ERBB4: variants seen among roughly 807,000 people sequenced by gnomAD.
ERBB4 encodes receptor tyrosine-protein kinase erbB-4.
In ERBB4, 42 loss-of-function variants were observed where a neutral mutation model predicts 158.0. The ratio of observed to expected loss-of-function variants is 0.27; its 90% CI spans 0.21 to 0.34. The LOEUF is 0.34. ERBB4 is among the 10% of genes least tolerant of loss of function. The pLI is 1.00. For missense variants in ERBB4, 1,333 were observed against 1,624.1 expected, an observed-to-expected ratio of 0.82 and a Z score of 3.08; for synonymous variants, 583 against 558.7, an observed-to-expected ratio of 1.04 and a Z score of -0.61.
chr2:211,644,844 C>T (rs2070727082), intron 16 of ERBB4, among the ~76,000 whole-genome samples: 1 of 151,924 alleles, frequency 6.6e-6, no homozygotes, highest in Admixed American at 6.6e-5. Context: ...AGACTTTCTT[C>T]TTTTCAGTCT....
intron 1 of ERBB4, among the ~76,000 whole-genome samples, chr2:212,167,457 G>A (rs2081382265): frequency 2.0e-5 from 3 of 152,140 alleles, no homozygotes; most frequent in African/African-American, 7.2e-5. Flanking sequence ...TGGTGAGGTT[G>A]TGGGGAAATA....
At chr2:212,190,821 C>T (rs1262370669) in intron 1 of ERBB4, among the ~76,000 whole-genome samples, 6 of 152,010 alleles carry the variant, frequency 3.9e-5, no homozygotes, top group Admixed American at 6.6e-5. Context: ...ATTTCAGATC[C>T]GAGTATTATT....
chr2:211,900,084 C>G (rs561269108), intron 3 of ERBB4, among the ~76,000 whole-genome samples: 2 of 152,236 alleles, frequency 1.3e-5, no homozygotes, highest in African/African-American at 4.8e-5. Context: ...CTGCTCTGCA[C>G]ACAGTAACCC....
chr2:211,413,305 T>TAAAAAAAAAAAAAAAAAAAA lies in ERBB4; in HGVS notation c.3135+7135_3135+7136insTTTTTTTTTTTTTTTTTTTT, dbSNP rs768289370. ...TTGGGGACAGAGAGAGACCCTGTCT[T>TAAAAAAAAAAAAAAAAAAAA]AAAAACACACACACACACACACACA... On this transcript the variant is annotated intron_variant, in intron 25 of 27. Coordinates refer to ENST00000342788, the MANE Select transcript of ERBB4 (RefSeq NM_005235.3). Among the ~76,000 whole-genome samples the TAAAAAAAAAAAAAAAAAAAA allele has an allele frequency of 7.0e-5, 4 of 56,936 alleles. 1 individual carries two copies. Among genetic ancestry groups the TAAAAAAAAAAAAAAAAAAAA allele is most frequent in the Admixed American group, 1.8e-4 (1 of 5,702 alleles). 37.4% of individuals were successfully genotyped at this position (56,936 alleles called of 152,430 possible). A position where few individuals can be genotyped will look rare whatever the true frequency, so the allele number is the denominator to read the frequency against.
chr2:212,443,576 C>A (rs2092295714), intron 1 of ERBB4, among the ~76,000 whole-genome samples: 1 of 152,276 alleles, frequency 6.6e-6, no homozygotes, highest in Admixed American at 6.5e-5. Context: ...GTTACTCCGG[C>A]CAATTTATTG....
intron 2 of ERBB4, among the ~76,000 whole-genome samples, chr2:212,042,206 T>G (rs1185587072): frequency 6.6e-6 from 1 of 152,120 alleles, no homozygotes; most frequent in Non-Finnish European, 1.5e-5. Flanking sequence ...AAGTTTTACT[T>G]TATTTTCATT....
chr2:212,143,431 A>C (rs1219719975), intron 1 of ERBB4, among the ~76,000 whole-genome samples: 1 of 152,164 alleles, frequency 6.6e-6, no homozygotes, highest in Non-Finnish European at 1.5e-5. Flanking sequence ...AAGAGCCAAA[A>C]TTATTAGAAT....
At chr2:211,911,057 G>A (rs918008189) in intron 3 of ERBB4, among the ~76,000 whole-genome samples, 1 of 152,130 alleles carries the variant, frequency 6.6e-6, no homozygotes, top group Non-Finnish European at 1.5e-5. Context: ...TTTTGTTATA[G>A]ATTTCCAACT....
chr2:211,408,891 T>G (rs1444384088), intron 25 of ERBB4, among the ~76,000 whole-genome samples: 1 of 152,226 alleles, frequency 6.6e-6, no homozygotes, highest in African/African-American at 2.4e-5. Flanking sequence ...TTTTTGTGAA[T>G]GTCACAAGAA....
chr2:211,740,178 T>C (rs1037844586), intron 5 of ERBB4, among the ~76,000 whole-genome samples: 1 of 152,308 alleles, frequency 6.6e-6, no homozygotes, highest in Admixed American at 6.5e-5. Flanking sequence ...TCCGTGGTCA[T>C]AATGCTCTAT....
intron 20 of ERBB4, among the ~76,000 whole-genome samples, chr2:211,512,383 G>A (rs1022522771): frequency 3.3e-5 from 5 of 151,468 alleles, no homozygotes; most frequent in African/African-American, 1.2e-4. Context: ...TCTCAACAGA[G>A]CACTGATTTC....
At chr2:212,060,286 C>T (rs1214615187) in intron 2 of ERBB4, among the ~76,000 whole-genome samples, 8 of 151,732 alleles carry the variant, frequency 5.3e-5, no homozygotes, top group Admixed American at 4.6e-4. Flanking sequence ...GTTAGAATGG[C>T]GATCATTAAA....
rs558154517 is a variant in ERBB4 at position 211,817,009 on chromosome 2, T to A, written c.422-28850A>T. On this transcript the variant is annotated intron_variant, in intron 3 of 27. Coordinates refer to ENST00000342788, the MANE Select transcript of ERBB4 (RefSeq NM_005235.3). ...CAGTGTTTGCCTCAACATCTTGGCT[T>A]AGTTCCAACTCACTAATTACATTCA... Among the ~76,000 whole-genome samples the A allele has an allele frequency of 2.0e-5, 3 of 152,340 alleles. No homozygotes were observed. In the South Asian group the frequency reaches 6.2e-4, roughly 32 times the overall value.
intron 3 of ERBB4, among the ~76,000 whole-genome samples, chr2:211,944,722 G>C (rs1044169858): frequency 2.0e-5 from 3 of 149,668 alleles, no homozygotes; most frequent in African/African-American, 7.6e-5. Flanking sequence ...TCAAATTGTA[G>C]TAATCATCAA....
At chr2:212,003,322 TAA>T (rs71054161) in intron 2 of ERBB4, among the ~76,000 whole-genome samples, 6 of 130,244 alleles carry the variant, frequency 4.6e-5, no homozygotes, top group Admixed American at 7.5e-5. Context: ...AGCTGAATGG[TAA>T]AAAAAAAAAA....
At chr2:212,429,928 C>T (rs978084298) in intron 1 of ERBB4, among the ~76,000 whole-genome samples, 13 of 152,116 alleles carry the variant, frequency 8.5e-5, no homozygotes, top group Non-Finnish European at 1.8e-4. Context: ...TATAGTTTGC[C>T]TTCTACACTG....
At position 211,387,963 on chromosome 2, in the gene ERBB4, G is replaced by A; in HGVS notation, c.3165C>T (p.Ala1055=). The A allele has an allele frequency of 6.2e-7, 1 of 1,609,610 alleles. No individual in the cohort carries two copies. Reference sequence around the variant, plus strand: ...TACTTACTCCTGACATGGGGGTGTAGGCAGGAGGAGGGCTGTGTCCAATTT... The same window carrying A: ...TACTTACTCCTGACATGGGGGTGTAAGCAGGAGGAGGGCTGTGTCCAATTT... ...RSEIGHSPPP[A]YTPMSGNQFV... Residue 1055 remains alanine (A), a synonymous_variant, in exon 26 of 28, where the codon GCC becomes GCT. Coordinates refer to ENST00000342788, the MANE Select transcript of ERBB4 (RefSeq NM_005235.3).
intron 20 of ERBB4, among the ~76,000 whole-genome samples, chr2:211,523,992 G>C (rs999269442): frequency 6.6e-6 from 1 of 151,974 alleles, no homozygotes; most frequent in African/African-American, 2.4e-5. Flanking sequence ...TTGACACAAA[G>C]GTTCTCCAAG....
chr2:212,385,868 A>T (rs1176260034), intron 1 of ERBB4, among the ~76,000 whole-genome samples: 1 of 151,948 alleles, frequency 6.6e-6, no homozygotes, highest in African/African-American at 2.4e-5. Flanking sequence ...CATATCCAAA[A>T]TTTCACAGTC....
Sources: allele counts gnomAD v4.1 joint callset (sites outside exome capture counted in the v4.1 genomes callset), GRCh38; gene constraint gnomAD v4.1.1; transcripts MANE v1.5; gene names NCBI Gene and HGNC (gene_info 2026-07-23, HGNC 2026-07-21).